Variants in CES4A observed in about 807,000 individuals in gnomAD.
CES4A encodes carboxylesterase 6.
A neutral mutation model predicts 65.4 loss-of-function variants in CES4A; 48 were observed. That is an observed-to-expected ratio of 0.73 (90% CI 0.58 to 0.93). The LOEUF (loss-of-function observed/expected upper bound fraction) is 0.93, where lower values mean the gene tolerates loss of function less well. Among genes scored for constraint, CES4A ranks in the 40% least tolerant of loss-of-function variants. The probability of loss-of-function intolerance (pLI) is 0.00; values close to 1 mark genes in which losing one functional copy is unlikely to be tolerated. For synonymous variants in CES4A, 247 were observed against 281.8 expected (o/e 0.88, Z 1.24); for missense variants, 685 against 728.5 (o/e 0.94, Z 0.69).
At chr16:66,993,580 G>A (rs934348719) in intron 1 of CES4A, among the ~76,000 whole-genome samples, 6 of 151,998 alleles carry the variant, frequency 3.9e-5, no homozygotes, top group Admixed American at 3.3e-4. Context: ...CTGACCTCAA[G>A]TGATCTGCCC....
At position 67,004,079 on chromosome 16, in the gene CES4A, T is replaced by G. The variant is rs762029189; in HGVS notation, c.940-5T>G. The G allele has an allele frequency of 1.9e-6, 3 of 1,613,812 alleles. No homozygotes were observed. The highest frequency in any genetic ancestry group is 2.2e-5 in the South Asian group (2 of 91,058). On this transcript the variant is annotated splice_polypyrimidine_tract_variant and splice_region_variant and intron_variant, in intron 8 of 13. Coordinates refer to ENST00000648724, the Ensembl canonical transcript of CES4A. ...GACTGGCTGGAAATGCCCTTTGCCT[T>G]GTAGATTATCTGGTCCATGAGCCCT...
chr16:66,993,175 G>T (rs899485523), intron 1 of CES4A, among the ~76,000 whole-genome samples: 2 of 152,216 alleles, frequency 1.3e-5, no homozygotes, highest in Non-Finnish European at 2.9e-5. Flanking sequence ...GCCAAGAGCT[G>T]GCTATGGTGT....
intron 1 of CES4A, among the ~76,000 whole-genome samples, chr16:66,994,095 C>T (rs185482581): frequency 6.6e-6 from 1 of 151,016 alleles, no homozygotes. Context: ...AGCAAGACTC[C>T]ATCTCAAAAA....
chr16:66,988,815 G>A, exon 1 of CES4A: 1 of 1,568,340 alleles, frequency 6.4e-7, no homozygotes, highest in Non-Finnish European at 8.7e-7. Flanking sequence ...CTGCCTGATG[G>A]CGCAGACGGC....
At chr16:66,992,903 C>G (rs1342361638) in intron 1 of CES4A, among the ~76,000 whole-genome samples, 1 of 152,112 alleles carries the variant, frequency 6.6e-6, no homozygotes, top group Non-Finnish European at 1.5e-5. Flanking sequence ...CCAGACTGGT[C>G]TTGAACTCCT....
At chr16:66,997,064 C>CA (rs1233686261) in intron 2 of CES4A, among the ~76,000 whole-genome samples, 4,556 of 95,528 alleles carry the variant, frequency 0.048, 146 homozygotes, top group African/African-American at 0.1. Context: ...GACCCTGTCT[C>CA]AAAAAAAAAA....
chr16:67,003,432 C>A lies in CES4A; in HGVS notation c.900+72C>A. The stretch of plus-strand genomic sequence containing the variant: ...CCTCCTATCCTGGTACCCAGCCACC[C>A]CCAACTACTTCCCCAGGGACCCTGT... On this transcript the variant is annotated intron_variant, in intron 7 of 13. Transcript: ENST00000648724. The surrounding 1 kb of genome is among the most constrained non-coding windows in gnomAD (Gnocchi z 4.2). 1 of 1,586,794 alleles carries A rather than the reference C, an allele frequency of 6.3e-7. No individual in the cohort carries two copies. The highest frequency in any genetic ancestry group is 8.7e-7 in the Non-Finnish European group (1 of 1,155,454).
chr16:66,988,894 C>A, intron 1 of CES4A, 64 bp downstream of exon 1: 1 of 1,509,070 alleles, frequency 6.6e-7, no homozygotes, highest in Non-Finnish European at 8.9e-7. Context: ...GAGGGACAGG[C>A]CCCAGTTCAA....
intron 2 of CES4A, 91 bp downstream of exon 2, chr16:66,995,920 A>C: frequency 1.6e-6 from 2 of 1,265,216 alleles, no homozygotes; most frequent in Non-Finnish European, 2.3e-6. Context: ...AGAAGAACTC[A>C]CTGTGTGATC....
At position 67,001,152 on chromosome 16, in the gene CES4A, T is replaced by C. The variant is rs1427453290; in HGVS notation, c.537-156T>C. On this transcript the variant is annotated intron_variant, in intron 4 of 13. Transcript: ENST00000648724. The surrounding 1 kb of genome is among the most constrained non-coding windows in gnomAD (Gnocchi z 4.1). ...GAAGGGGCGGGCGCTCCATACCATC[T>C]GGATGGGGCGAGCTAACTCCAAGGA... 8.8e-6 allele frequency: 12 copies of C among 1,357,078 alleles called. No homozygotes were observed. The highest frequency in any genetic ancestry group is 1.1e-5 in the Non-Finnish European group (11 of 1,017,448). 84.1% of individuals were successfully genotyped at this position (1,357,078 alleles called of 1,614,324 possible). A position where few individuals can be genotyped will look rare whatever the true frequency, so the allele number is the denominator to read the frequency against.
chr16:66,988,820 G>GA lies in CES4A; in HGVS notation c.49dup (p.Thr17AsnfsTer140). On this transcript the variant is annotated frameshift_variant, in exon 1 of 14. Transcript: ENST00000648724. LOFTEE classifies it high-confidence loss of function. ...GCCTCACCCTCTGCCTGATGGCGCA[G>GA]ACGGCCTTGGGTAAGACCCCCACCC... 2 of 1,567,402 alleles carry GA rather than the reference G, an allele frequency of 1.3e-6. No individual in the cohort carries two copies. The highest frequency in any genetic ancestry group is 1.7e-6 in the Non-Finnish European group (2 of 1,155,088).
chr16:67,001,272 G>T lies in CES4A; in HGVS notation c.537-36G>T, dbSNP rs374569796. 38 of 1,553,412 alleles carry T rather than the reference G, an allele frequency of 2.4e-5. No homozygotes were observed. The highest frequency in any genetic ancestry group is 3.1e-5 in the Non-Finnish European group (36 of 1,151,564). The stretch of plus-strand genomic sequence containing the variant: ...CAGCCCAACGCGCCCCGACTGTCGA[G>T]GCCCGGGACCCTGACAGTGAACCCC... On this transcript the variant is annotated intron_variant, in intron 4 of 13. Transcript: ENST00000648724. This position sits in a 1 kb window ranked among gnomAD's most constrained non-coding sequence, Gnocchi z 4.1.
downstream of CES4A, among the ~76,000 whole-genome samples, chr16:67,010,390 T>TAC (rs1406961309): frequency 6.6e-6 from 1 of 151,076 alleles, no homozygotes; most frequent in Admixed American, 6.6e-5. Flanking sequence ...GGTGGTAAAA[T>TAC]ACACACGACA....
chr16:66,995,802 T>C, exon 2 of CES4A: 1 of 1,613,928 alleles, frequency 6.2e-7, no homozygotes, highest in South Asian at 1.1e-5. Context: ...TGGAAAGGAA[T>C]CAGAGATGCT....
exon 13 of CES4A, chr16:67,006,747 C>T: frequency 6.2e-7 from 1 of 1,614,112 alleles, no homozygotes; most frequent in Non-Finnish European, 8.5e-7. Context: ...GCCCCCAGGC[C>T]TTTCCATGGG....
intron 2 of CES4A, among the ~76,000 whole-genome samples, chr16:66,999,964 AG>A (rs1965149435): frequency 6.6e-6 from 1 of 152,082 alleles, no homozygotes; most frequent in Non-Finnish European, 1.5e-5. Flanking sequence ...GTGGGAGGCA[AG>A]GGGCCACATG....
intron 1 of CES4A, among the ~76,000 whole-genome samples, chr16:66,989,563 T>A (rs1465170673): frequency 1.3e-5 from 2 of 151,952 alleles, no homozygotes; most frequent in African/African-American, 4.8e-5. Context: ...TAAAAAACAT[T>A]TTTTAAAAAG....
chr16:66,998,859 T>A (rs1457779627), intron 2 of CES4A, among the ~76,000 whole-genome samples: 2 of 149,090 alleles, frequency 1.3e-5, no homozygotes, highest in African/African-American at 4.9e-5. Flanking sequence ...AGACTCCATC[T>A]CAAACAAAAA....
At chr16:67,004,966 C>A in intron 10 of CES4A, 93 bp downstream of exon 10, 1 of 1,014,956 alleles carries the variant, frequency 9.9e-7, no homozygotes, top group Non-Finnish European at 1.5e-6. Flanking sequence ...AAAGGGGCTC[C>A]CAGCCAGGGT....
Sources: allele counts gnomAD v4.1 joint callset (sites outside exome capture counted in the v4.1 genomes callset), GRCh38; gene constraint gnomAD v4.1.1; non-coding constraint Gnocchi (gnomAD v3.1); transcripts MANE v1.5; gene names NCBI Gene and HGNC (gene_info 2026-07-23, HGNC 2026-07-21).